The following KPNA3 variants were observed in gnomAD, a reference collection of about 807,000 sequenced individuals.
KPNA3 encodes importin subunit alpha-4.
Under a neutral mutation model 73.8 loss-of-function variants are expected in KPNA3, and 13 were observed. The ratio of observed to expected loss-of-function variants is 0.18; its 90% CI spans 0.11 to 0.28. The LOEUF (loss-of-function observed/expected upper bound fraction) is 0.28. KPNA3 is among the 10% of genes least tolerant of loss of function. KPNA3 has a pLI of 1.00. For synonymous variants in KPNA3, 186 were observed against 206.9 expected (o/e 0.90, Z 0.87); for missense variants, 360 against 618.1 (o/e 0.58, Z 4.43).
chr13:49,786,403 T>C (rs964608299), intron 1 of KPNA3, among the ~76,000 whole-genome samples: 5 of 152,156 alleles, frequency 3.3e-5, no homozygotes, highest in African/African-American at 1.2e-4. Context: ...AAAATTCACC[T>C]AGGAAAACAC....
chr13:49,753,472 T>C (rs572159651), intron 1 of KPNA3, among the ~76,000 whole-genome samples: 22 of 152,192 alleles, frequency 1.4e-4, no homozygotes, highest in Non-Finnish European at 2.5e-4. Flanking sequence ...AAGAATCTAA[T>C]AGAGAATGGT....
chr13:49,701,548 G>GA lies in KPNA3; in HGVS notation c.*251dup, dbSNP rs1954148025. 1.7e-6 allele frequency: 1 copy of GA among 575,794 alleles called. No homozygotes were observed. The highest frequency in any genetic ancestry group is 1.5e-5 in the South Asian group (1 of 65,942). 35.7% of individuals were successfully genotyped at this position (575,794 alleles called of 1,614,324 possible). A position where few individuals can be genotyped will look rare whatever the true frequency, so the allele number is the denominator to read the frequency against. On this transcript the variant is annotated 3_prime_UTR_variant, in exon 17 of 17. Coordinates refer to ENST00000261667, the MANE Select transcript of KPNA3 (RefSeq NM_002267.4). ...TCAGCCTGTGGCACCAGGGAACAGG[G>GA]AAAAATAGGGTAGTTGAGATTGTTA... is the stretch of plus-strand genomic sequence containing the variant.
chr13:49,726,416 G>A (rs959566987), intron 6 of KPNA3, among the ~76,000 whole-genome samples: 1 of 152,204 alleles, frequency 6.6e-6, no homozygotes, highest in African/African-American at 2.4e-5. Flanking sequence ...CAGGTATCAT[G>A]CATGGAAGGA....
At chr13:49,733,102 A>T in intron 2 of KPNA3, 56 bp from the exon 3 acceptor site, 1 of 1,069,252 alleles carries the variant, frequency 9.4e-7, no homozygotes, top group Non-Finnish European at 1.4e-6. Flanking sequence ...TTAATGAAAA[A>T]TCCATTAAAA....
At chr13:49,706,650 GA>G (rs1460688341) in intron 12 of KPNA3, among the ~76,000 whole-genome samples, 1 of 152,132 alleles carries the variant, frequency 6.6e-6, no homozygotes, top group Non-Finnish European at 1.5e-5. Flanking sequence ...TGATTTTATA[GA>G]AATGAACAAA....
In KPNA3 at chr13:49,701,855, C is replaced by A. The variant is rs377267111; in HGVS notation, c.1511G>T (p.Gly504Val). 8 of 1,613,414 alleles carry A rather than the reference C, an allele frequency of 5.0e-6. No homozygotes were observed. The highest frequency in any genetic ancestry group is 1.3e-5 in the African/African-American group (1 of 74,884). ...GGCTGTTGGATCAAAATTGTAGGTA[C>A]CTCCTTGTGTTGCTTCAGGAATGAG... ...PCLIPEATQG[G>V]TYNFDPTANL... The change falls in exon 17 of 17, where the codon GGT (glycine) becomes GTT (valine). Residue 504 changes from glycine (G) to valine (V), a missense_variant. By Grantham distance (109) the Gly-to-Val change is moderately radical. This residue lies in a region of KPNA3 where 38 missense variants were observed against 39.0 expected (regional missense o/e 0.98). Coordinates refer to ENST00000261667, the MANE Select transcript of KPNA3 (RefSeq NM_002267.4).
intron 1 of KPNA3, among the ~76,000 whole-genome samples, chr13:49,785,625 A>C (rs928077164): frequency 6.6e-6 from 1 of 152,182 alleles, no homozygotes; most frequent in Non-Finnish European, 1.5e-5. Flanking sequence ...TACAGATAAA[A>C]GAATCGTAGA....
intron 1 of KPNA3, among the ~76,000 whole-genome samples, chr13:49,749,728 T>C (rs1195900298): frequency 6.6e-6 from 1 of 152,190 alleles, no homozygotes; most frequent in Non-Finnish European, 1.5e-5. Context: ...TATAACTCAC[T>C]AGTAGCAAAA....
intron 1 of KPNA3, among the ~76,000 whole-genome samples, chr13:49,758,359 G>A (rs1954729550): frequency 6.6e-6 from 1 of 152,054 alleles, no homozygotes; most frequent in South Asian, 2.1e-4. Flanking sequence ...GTATCCATTT[G>A]GTAGCATAAT....
chr13:49,741,034 T>C (rs1343821831), intron 2 of KPNA3, among the ~76,000 whole-genome samples: 1 of 152,196 alleles, frequency 6.6e-6, no homozygotes, highest in Non-Finnish European at 1.5e-5. Flanking sequence ...CATTTTCTTT[T>C]TCTATTTGTC....
intron 15 of KPNA3, among the ~76,000 whole-genome samples, chr13:49,704,412 C>CAAAA (rs975118692): frequency 1.7e-5 from 2 of 117,950 alleles, no homozygotes; most frequent in Non-Finnish European, 3.6e-5. Context: ...AACTCTGTCT[C>CAAAA]AAAAAAAAAA....
chr13:49,779,098 T>C (rs80135272), intron 1 of KPNA3, among the ~76,000 whole-genome samples: 1 of 99,732 alleles, frequency 1.0e-5, no homozygotes, highest in South Asian at 3.0e-4. Flanking sequence ...GCTAGTTCCA[T>C]TTTTTTTTTT....
chr13:49,787,658 C>CA, intron 1 of KPNA3, among the ~76,000 whole-genome samples: 1 of 151,768 alleles, frequency 6.6e-6, no homozygotes, highest in East Asian at 2.0e-4. Context: ...AGGCATGAGC[C>CA]ACCAGGACCG....
At chr13:49,727,018 G>A (rs1189999929) in intron 6 of KPNA3, among the ~76,000 whole-genome samples, 1 of 152,138 alleles carries the variant, frequency 6.6e-6, no homozygotes, top group Admixed American at 6.5e-5. Context: ...ATAGCTGAAA[G>A]AGTACAAATT....
At chr13:49,787,868 C>CG (rs1378311213) in intron 1 of KPNA3, among the ~76,000 whole-genome samples, 1 of 151,972 alleles carries the variant, frequency 6.6e-6, no homozygotes. Flanking sequence ...TTAGTAGAGA[C>CG]GGGGTTTCAC....
chr13:49,761,315 T>C (rs1336674427), intron 1 of KPNA3, among the ~76,000 whole-genome samples: 1 of 152,236 alleles, frequency 6.6e-6, no homozygotes, highest in South Asian at 2.1e-4. Context: ...ACTGCTGCCA[T>C]CTCGGCTCAC....
rs558092939 is a variant in KPNA3, at chr13:49,706,703, G to C, written c.1033-331C>G. ...ATGGAGCTTACATGTCTGTGCATTAGCTTCCTCTAAAAGACAGAAATAAAT... is the reference window on the plus strand; with the variant it reads ...ATGGAGCTTACATGTCTGTGCATTACCTTCCTCTAAAAGACAGAAATAAAT... On this transcript the variant is annotated intron_variant, in intron 12 of 16. Transcript: ENST00000261667. Among the ~76,000 whole-genome samples the C allele has an allele frequency of 2.0e-4, 30 of 152,162 alleles. No individual in the cohort carries two copies. In the South Asian group the frequency reaches 2.5e-3, roughly 13 times the overall value.
intron 1 of KPNA3, among the ~76,000 whole-genome samples, chr13:49,747,484 A>G (rs939036494): frequency 6.6e-6 from 1 of 152,190 alleles, no homozygotes; most frequent in Non-Finnish European, 1.5e-5. Context: ...CAGGAGTTCG[A>G]GATCAGCCTG....
intron 1 of KPNA3, among the ~76,000 whole-genome samples, chr13:49,755,926 A>G (rs1193268519): frequency 2.6e-5 from 4 of 152,238 alleles, no homozygotes; most frequent in African/African-American, 4.8e-5. Context: ...ATAAAAATCA[A>G]TTATATTTCT....
Sources: allele counts gnomAD v4.1 joint callset (sites outside exome capture counted in the v4.1 genomes callset), GRCh38; gene constraint gnomAD v4.1.1; regional missense constraint gnomAD v4.1.1; transcripts MANE v1.5; gene names NCBI Gene and HGNC (gene_info 2026-07-23, HGNC 2026-07-21).